The following AGFG1 variants were observed in gnomAD, a reference collection of about 807,000 sequenced individuals.
The protein encoded by AGFG1 is arf-GAP domain and FG repeat-containing protein 1.
Under a neutral mutation model 60.6 loss-of-function variants are expected in AGFG1, and 10 were observed. The ratio of observed to expected loss-of-function variants is 0.16; its 90% CI spans 0.10 to 0.28. AGFG1 has a LOEUF of 0.28. AGFG1 is among the 10% of genes least tolerant of loss of function. The pLI is 1.00. For missense variants in AGFG1, 537 were observed against 676.5 expected (o/e 0.79, Z 2.29); for synonymous variants, 247 against 242.9 (o/e 1.02, Z -0.16).
At chr2:227,531,359 C>T (rs1004639539) in intron 6 of AGFG1, 149 bp downstream of exon 6, 5 of 943,662 alleles carry the variant, frequency 5.3e-6, no homozygotes, top group Non-Finnish European at 7.6e-6. Context: ...GAAACCTGAA[C>T]TCTTTATTTT....
In AGFG1 at chr2:227,554,761, C is replaced by T. The variant is rs1189865221; in HGVS notation, c.*266C>T. The T allele has an allele frequency of 8.8e-6, 3 of 339,560 alleles. No individual in the cohort carries two copies. The highest frequency in any genetic ancestry group is 1.6e-5 in the Non-Finnish European group (3 of 185,804). 21.0% of individuals were successfully genotyped at this position (339,560 alleles called of 1,614,324 possible). Reference sequence around the variant, plus strand: ...ATTAAGTTATTGCAGATACCACATTCATTATGCTGCAGTACTGTACATATT... The same window carrying T: ...ATTAAGTTATTGCAGATACCACATTTATTATGCTGCAGTACTGTACATATT... On this transcript the variant is annotated 3_prime_UTR_variant, in exon 13 of 13. Transcript: ENST00000310078.
Position 227,524,802 on chromosome 2 carries a change from A to G in AGFG1, c.581A>G (p.Lys194Arg). ...CGTTCTCAAGGGCAGCAGCAGGAGA[A>G]GAAGCAATTTGACCTTTTAAGTGAT... ...VGRSQGQQQE[K>R]KQFDLLSDLG... Residue 194 changes from lysine (K) to arginine (R), a missense_variant, in exon 5 of 13, where the codon AAG (lysine) becomes AGG (arginine). This residue lies in a region of AGFG1 where 102 missense variants were observed against 82.9 expected (regional missense o/e 1.23). Transcript: ENST00000310078. The G allele has an allele frequency of 1.9e-6, 3 of 1,614,180 alleles. No homozygotes were observed. In the African/African-American group the frequency reaches 4.0e-5, roughly 22 times the overall value.
At chr2:227,472,659 AC>A in intron 1 of AGFG1, 71 bp downstream of exon 1, 1 of 1,487,916 alleles carries the variant, frequency 6.7e-7, no homozygotes, top group South Asian at 1.2e-5. Context: ...CGGGACCGGG[AC>A]CCTTCCGGGG....
rs990610436 is a variant in AGFG1 at position 227,555,996 on chromosome 2, C to T, written c.*1501C>T. ...GACTGAAAAACACTCTGAGAGCATA[C>T]ACTGTCCAAGGCCATTAGTGTAAGG... On this transcript the variant is annotated 3_prime_UTR_variant, in exon 13 of 13. Transcript: ENST00000310078. The T allele has an allele frequency of 6.6e-6, 1 of 152,226 alleles. No individual in the cohort carries two copies. Among genetic ancestry groups the T allele is most frequent in the Non-Finnish European group, 1.5e-5 (1 of 68,050 alleles). 9.4% of individuals were successfully genotyped at this position (152,226 alleles called of 1,614,324 possible). A position where few individuals can be genotyped will look rare whatever the true frequency, so the allele number is the denominator to read the frequency against.
intron 10 of AGFG1, among the ~76,000 whole-genome samples, chr2:227,539,553 T>C (rs1391859156): frequency 6.6e-6 from 1 of 151,740 alleles, no homozygotes; most frequent in African/African-American, 2.4e-5. Flanking sequence ...CCCAGGAGTT[T>C]TGAGAGCAGC....
At position 227,472,261 on chromosome 2, in the gene AGFG1, G is replaced by A. The variant is rs967289465; in HGVS notation, c.-161G>A. On this transcript the variant is annotated 5_prime_UTR_variant, in exon 1 of 13. Coordinates refer to ENST00000310078, the MANE Select transcript of AGFG1 (RefSeq NM_004504.5). ...CGTACCACAGCGCCCGGGCCGCGTC[G>A]AGCCCAGTACAGCCAAGCCGCTGCG... 5 of 262,334 alleles carry A rather than the reference G, an allele frequency of 1.9e-5. No individual in the cohort carries two copies. The highest frequency in any genetic ancestry group is 3.0e-5 in the Non-Finnish European group (5 of 169,164). 16.3% of individuals were successfully genotyped at this position (262,334 alleles called of 1,614,324 possible).
intron 1 of AGFG1, among the ~76,000 whole-genome samples, chr2:227,490,483 C>G (rs1055366835): frequency 2.7e-5 from 4 of 150,624 alleles, no homozygotes; most frequent in Admixed American, 6.7e-5. Flanking sequence ...GAGACTGAGG[C>G]AGGAGAATGG....
intron 1 of AGFG1, among the ~76,000 whole-genome samples, chr2:227,487,475 A>G (rs1022220159): frequency 1.1e-4 from 17 of 152,174 alleles, no homozygotes; most frequent in Non-Finnish European, 2.2e-4. Flanking sequence ...GTAAGTGCAT[A>G]ATGTCATACT....
At chr2:227,477,499 A>G (rs1441200981) in intron 1 of AGFG1, among the ~76,000 whole-genome samples, 1 of 152,228 alleles carries the variant, frequency 6.6e-6, no homozygotes, top group Non-Finnish European at 1.5e-5. Context: ...CAAAGAATGT[A>G]TGGTTACCAT....
chr2:227,510,527 T>C (rs1480177186), intron 2 of AGFG1, among the ~76,000 whole-genome samples: 1 of 151,630 alleles, frequency 6.6e-6, no homozygotes, highest in African/African-American at 2.4e-5. Context: ...AAACTATGTC[T>C]TGGTGGAGGG....
At chr2:227,502,707 G>A (rs765355333) in intron 2 of AGFG1, among the ~76,000 whole-genome samples, 2 of 152,154 alleles carry the variant, frequency 1.3e-5, no homozygotes, top group African/African-American at 2.4e-5. Flanking sequence ...TTGTTTTATA[G>A]TGAATGGTTC....
intron 1 of AGFG1, among the ~76,000 whole-genome samples, chr2:227,484,529 TGTTA>T (rs995116999): frequency 2.0e-5 from 3 of 152,148 alleles, no homozygotes; most frequent in Admixed American, 6.5e-5. Flanking sequence ...TTTTTCCTTC[TGTTA>T]GTTGGATGTT....
intron 10 of AGFG1, among the ~76,000 whole-genome samples, chr2:227,549,362 G>C (rs551996180): frequency 4.6e-5 from 7 of 152,232 alleles, no homozygotes; most frequent in Admixed American, 1.3e-4. Context: ...ACAAACAAAA[G>C]GTACTAGTAT....
chr2:227,480,954 G>A (rs1690439720), intron 1 of AGFG1, among the ~76,000 whole-genome samples: 1 of 152,154 alleles, frequency 6.6e-6, no homozygotes, highest in Admixed American at 6.5e-5. Context: ...CTGTTGAGAA[G>A]TCTGATGCTA....
At chr2:227,508,593 T>A (rs757858534) in intron 2 of AGFG1, 1 of 470,258 alleles carries the variant, frequency 2.1e-6, no homozygotes, top group African/African-American at 2.0e-5. Flanking sequence ...AAACCTTGCA[T>A]ATCAGATTCA....
chr2:227,543,317 C>T (rs1214593035), intron 10 of AGFG1, among the ~76,000 whole-genome samples: 2 of 152,216 alleles, frequency 1.3e-5, no homozygotes. Context: ...CCTCTACACA[C>T]TGCTTTAAAT....
intron 2 of AGFG1, among the ~76,000 whole-genome samples, chr2:227,502,662 T>C (rs906406728): frequency 6.6e-6 from 1 of 152,188 alleles, no homozygotes; most frequent in African/African-American, 2.4e-5. Context: ...AAGCGGAAGT[T>C]TTGTCATTTT....
intron 2 of AGFG1, among the ~76,000 whole-genome samples, chr2:227,502,163 A>T (rs936429091): frequency 6.6e-6 from 1 of 151,818 alleles, no homozygotes; most frequent in Non-Finnish European, 1.5e-5. Context: ...CAACCAAAGT[A>T]AACCTTCTTT....
chr2:227,477,767 G>C (rs1019828097), intron 1 of AGFG1, among the ~76,000 whole-genome samples: 3 of 151,886 alleles, frequency 2.0e-5, no homozygotes, highest in Non-Finnish European at 2.9e-5. Flanking sequence ...CACCATGCCT[G>C]GCTAAATTTT....
Sources: gnomAD v4.1 joint callset for allele counts (sites outside exome capture counted in the v4.1 genomes callset) on GRCh38, gnomAD v4.1.1 for gene constraint, gnomAD v4.1.1 regional missense constraint, MANE v1.5 for transcripts, NCBI Gene and HGNC (gene_info 2026-07-23, HGNC 2026-07-21) for gene names.